The following PTGS2 variants were observed in gnomAD, a reference collection of about 807,000 sequenced individuals.
PTGS2 encodes prostaglandin-endoperoxide synthase 2.
In PTGS2, 14 loss-of-function variants were observed where a neutral mutation model predicts 63.8. The ratio of observed to expected loss-of-function variants is 0.22; its 90% CI spans 0.14 to 0.34. The LOEUF is 0.34. Ranked by LOEUF, PTGS2 falls within the 10% of genes least tolerant of loss-of-function variation. The pLI, the probability that PTGS2 is intolerant of heterozygous loss-of-function variation, is 1.00. For synonymous variants in PTGS2, 271 were observed against 259.5 expected (o/e 1.04, Z -0.43); for missense variants, 533 against 738.5 (o/e 0.72, Z 3.23).
Position 186,674,595 on chromosome 1 carries a change from T to A in PTGS2, c.1573A>T (p.Ile525Leu), listed in dbSNP as rs199820825. ...FSLKGLMGNV[I>L]CSPAYWKPST... ...GGCTTCCAGTAGGCAGGAGAACATATAACATTACCCATAAGTCCTTTCAAG... is the reference window on the plus strand; with the variant it reads ...GGCTTCCAGTAGGCAGGAGAACATAAAACATTACCCATAAGTCCTTTCAAG... The change falls in exon 10 of 10, where the codon ATA becomes TTA. Residue 525 changes from isoleucine to leucine, a missense_variant. Physicochemically the swap from Ile to Leu is conservative, Grantham distance 5. Transcript: ENST00000367468. The A allele has an allele frequency of 6.3e-5, 102 of 1,614,188 alleles. No homozygotes were observed. The highest frequency in any genetic ancestry group is 8.3e-5 in the Admixed American group (5 of 60,022).
chr1:186,678,559 T>A (rs1665822458), intron 3 of PTGS2, among the ~76,000 whole-genome samples, 155 bp from the exon 4 acceptor site: 1 of 152,222 alleles, frequency 6.6e-6, no homozygotes, highest in Non-Finnish European at 1.5e-5. Context: ...CTTTATAGTC[T>A]AATGGCCACT....
chr1:186,674,853 TTC>T, intron 9 of PTGS2, 91 bp from the exon 10 acceptor site: 1 of 1,401,800 alleles, frequency 7.1e-7, no homozygotes, highest in East Asian at 2.3e-5. Flanking sequence ...TGCTGCCAAC[TTC>T]TCTGTTTCCA....
chr1:186,678,530 C>A (rs1665821892), intron 3 of PTGS2, 126 bp from the exon 4 acceptor site: 1 of 900,850 alleles, frequency 1.1e-6, no homozygotes, highest in South Asian at 2.0e-5. Context: ...TAAAAAAAAT[C>A]TATTTTTAAA....
At position 186,676,187 on chromosome 1, in the gene PTGS2, A is replaced by T; in HGVS notation, c.971-3T>A. ...AATCACAATCTTAATAGTCTCTCCTATTTGCACAAAATAAATAATAAAAAC... is the reference window on the plus strand; with the variant it reads ...AATCACAATCTTAATAGTCTCTCCTTTTTGCACAAAATAAATAATAAAAAC... On this transcript the variant is annotated splice_region_variant and splice_polypyrimidine_tract_variant and intron_variant, in intron 7 of 9. Coordinates refer to ENST00000367468, the MANE Select transcript of PTGS2 (RefSeq NM_000963.4). The T allele has an allele frequency of 6.3e-7, 1 of 1,588,088 alleles. No individual in the cohort carries two copies. Among genetic ancestry groups the T allele is most frequent in the Non-Finnish European group, 8.6e-7 (1 of 1,165,282 alleles).
Position 186,672,821 on chromosome 1 carries a change from T to C in PTGS2, c.*1532A>G, listed in dbSNP as rs1203365875. ...TCTTTGCATCCATCTTGGTTACAGA[T>C]AGCTAAAATTAGCTATAAATAAAAT... On this transcript the variant is annotated 3_prime_UTR_variant, in exon 10 of 10. Coordinates refer to ENST00000367468, the MANE Select transcript of PTGS2 (RefSeq NM_000963.4). 1.3e-5 allele frequency: 2 copies of C among 152,508 alleles called. No individual in the cohort carries two copies. Among genetic ancestry groups the C allele is most frequent in the East Asian group, 3.8e-4 (2 of 5,200 alleles). The allele number at this position is 152,508 out of a possible 1,614,324, so 9.4% of individuals were successfully genotyped here. A position where few individuals can be genotyped will look rare whatever the true frequency, so the allele number is the denominator to read the frequency against.
At chr1:186,676,989 T>C in intron 5 of PTGS2, 73 bp from the exon 6 acceptor site, 1 of 1,055,156 alleles carries the variant, frequency 9.5e-7, no homozygotes, top group Non-Finnish European at 1.4e-6. Flanking sequence ...ATCATATAAT[T>C]CATCATTAAA....
Position 186,674,370 on chromosome 1 carries a change from G to A in PTGS2, c.1798C>T (p.Arg600Cys). The change falls in exon 10 of 10, where the codon CGT becomes TGT. Residue 600 changes from arginine to cysteine, a missense_variant. By Grantham distance (180) the Arg-to-Cys change is radical (BLOSUM62 -3). Around this residue, in one of 5 missense-constraint regions of PTGS2, gnomAD observed 219 missense variants for 267.4 expected, o/e 0.82. Transcript: ENST00000367468. ...TTAGACTTCTACAGTTCAGTCGAACGTTCTTTTAGTAGTACTGTGGGATTG... is the reference window on the plus strand; with the variant it reads ...TTAGACTTCTACAGTTCAGTCGAACATTCTTTTAGTAGTACTGTGGGATTG... ...DINPTVLLKE[R>C]STEL 6.2e-7 allele frequency: 1 copy of A among 1,609,910 alleles called. No homozygotes were observed. The highest frequency in any genetic ancestry group is 8.5e-7 in the Non-Finnish European group (1 of 1,177,130).
Position 186,673,563 on chromosome 1 carries a change from A to G in PTGS2, c.*790T>C, listed in dbSNP as rs1351197467. The G allele has an allele frequency of 6.6e-6, 1 of 152,178 alleles. No homozygotes were observed. Among genetic ancestry groups the G allele is most frequent in the Non-Finnish European group, 1.5e-5 (1 of 68,012 alleles). 9.4% of individuals were successfully genotyped at this position (152,178 alleles called of 1,614,324 possible). A position where few individuals can be genotyped will look rare whatever the true frequency, so the allele number is the denominator to read the frequency against. ...AAGATAACACTGCAGTGGCTCCACC[A>G]CCTTAATAAATTTGGCATTTTGATT... is the stretch of plus-strand genomic sequence containing the variant. On this transcript the variant is annotated 3_prime_UTR_variant, in exon 10 of 10. Transcript: ENST00000367468.
chr1:186,672,807 A>G lies in PTGS2; in HGVS notation c.*1546T>C, dbSNP rs1412627963. On this transcript the variant is annotated 3_prime_UTR_variant, in exon 10 of 10. Coordinates refer to ENST00000367468, the MANE Select transcript of PTGS2 (RefSeq NM_000963.4). ...CTGAGGCACTAGCCTCTTTGCATCC[A>G]TCTTGGTTACAGATAGCTAAAATTA... The G allele has an allele frequency of 6.6e-6, 1 of 152,656 alleles. No homozygotes were observed. The highest frequency in any genetic ancestry group is 6.5e-5 in the Admixed American group (1 of 15,292). 9.5% of individuals were successfully genotyped at this position (152,656 alleles called of 1,614,324 possible).
chr1:186,674,222 C>T lies in PTGS2; in HGVS notation c.*131G>A. On this transcript the variant is annotated 3_prime_UTR_variant, in exon 10 of 10. Coordinates refer to ENST00000367468, the MANE Select transcript of PTGS2 (RefSeq NM_000963.4). Reference sequence around the variant, plus strand: ...AAGTCTTCACAAGTATGACTCCTTTCTCCGCAACAGGAGTACTGACTTCTG... The same window carrying T: ...AAGTCTTCACAAGTATGACTCCTTTTTCCGCAACAGGAGTACTGACTTCTG... 1.9e-6 allele frequency: 1 copy of T among 531,492 alleles called. No homozygotes were observed. Among genetic ancestry groups the T allele is most frequent in the Non-Finnish European group, 2.8e-6 (1 of 358,462 alleles). 32.9% of individuals were successfully genotyped at this position (531,492 alleles called of 1,614,324 possible).
chr1:186,680,180 G>A, intron 1 of PTGS2, 59 bp downstream of exon 1: 1 of 1,549,612 alleles, frequency 6.5e-7, no homozygotes, highest in Non-Finnish European at 8.7e-7. Context: ...AGGTCAGAGC[G>A]GAAACTCTGC....
chr1:186,674,960 C>G (rs1003707668), intron 9 of PTGS2, among the ~76,000 whole-genome samples, 198 bp from the exon 10 acceptor site: 2 of 152,246 alleles, frequency 1.3e-5, no homozygotes, highest in African/African-American at 4.8e-5. Flanking sequence ...CGGCGGATCA[C>G]TAGGTCAGGA....
At chr1:186,678,037 G>C (rs1665811836) in intron 4 of PTGS2, among the ~76,000 whole-genome samples, 1 of 152,138 alleles carries the variant, frequency 6.6e-6, no homozygotes, top group Non-Finnish European at 1.5e-5. Flanking sequence ...CATTTCTAAA[G>C]AAATAATTTG....
At position 186,674,378 on chromosome 1, in the gene PTGS2, A is replaced by G; in HGVS notation, c.1790T>C (p.Leu597Pro). 4 of 1,613,014 alleles carry G rather than the reference A, an allele frequency of 2.5e-6. No individual in the cohort carries two copies. Among genetic ancestry groups the G allele is most frequent in the Non-Finnish European group, 3.4e-6 (4 of 1,179,074 alleles). ...CTACAGTTCAGTCGAACGTTCTTTTAGTAGTACTGTGGGATTGATATCATC... is the reference window on the plus strand; with the variant it reads ...CTACAGTTCAGTCGAACGTTCTTTTGGTAGTACTGTGGGATTGATATCATC... Reference protein sequence around the residue: ...GLDDINPTVLLKERSTEL With the variant: ...GLDDINPTVLPKERSTEL The change falls in exon 10 of 10, where the codon CTA becomes CCA. Residue 597 changes from leucine (L) to proline (P), a missense_variant. Leu to Pro is a moderately conservative substitution (Grantham distance 98). This residue lies in a region of PTGS2 where 219 missense variants were observed against 267.4 expected (regional missense o/e 0.82). Coordinates refer to ENST00000367468, the MANE Select transcript of PTGS2 (RefSeq NM_000963.4).
rs559271434 is a variant in PTGS2, at chr1:186,671,896, T to C, written c.*2457A>G. The C allele has an allele frequency of 6.6e-6, 1 of 152,246 alleles. No homozygotes were observed. Among genetic ancestry groups the C allele is most frequent in the East Asian group, 1.9e-4 (1 of 5,188 alleles). The allele number at this position is 152,246 out of a possible 1,614,324, so 9.4% of individuals were successfully genotyped here. Reference sequence around the variant, plus strand: ...AGACTTATCTTTTACATAAGTTAAATACACATTTGTCTGAGGCACTGAAAC... The same window carrying C: ...AGACTTATCTTTTACATAAGTTAAACACACATTTGTCTGAGGCACTGAAAC... On this transcript the variant is annotated 3_prime_UTR_variant, in exon 10 of 10. Coordinates refer to ENST00000367468, the MANE Select transcript of PTGS2 (RefSeq NM_000963.4).
rs756554922 is a variant in PTGS2 at position 186,678,273 on chromosome 1, A to G, written c.445T>C (p.Leu149=). ...TCTTCTTACTCACCTTTGACACCCA[A>G]GGGAGTCGGGCAATCATCAGGCACA... ...PPVPDDCPTP[L]GVKGKKQLPD... is the part of the protein sequence containing the mutation. Residue 149 remains leucine, a synonymous_variant, in exon 4 of 10, where the codon TTG becomes CTG. Coordinates refer to ENST00000367468, the MANE Select transcript of PTGS2 (RefSeq NM_000963.4). 1 of 1,609,730 alleles carries G rather than the reference A, an allele frequency of 6.2e-7. No individual in the cohort carries two copies. The highest frequency in any genetic ancestry group is 8.5e-7 in the Non-Finnish European group (1 of 1,177,988).
rs1447465691 is a variant in PTGS2 at position 186,673,358 on chromosome 1, C to A, written c.*995G>T. On this transcript the variant is annotated 3_prime_UTR_variant, in exon 10 of 10. Coordinates refer to ENST00000367468, the MANE Select transcript of PTGS2 (RefSeq NM_000963.4). ...TAGCAAAATCTGAGTACCAGGCCTG[C>A]AGTGCACAAGGATAAAAAAAAGTTT... 1 of 152,204 alleles carries A rather than the reference C, an allele frequency of 6.6e-6. No homozygotes were observed. The highest frequency in any genetic ancestry group is 1.9e-4 in the East Asian group (1 of 5,192). 9.4% of individuals were successfully genotyped at this position (152,204 alleles called of 1,614,324 possible).
At chr1:186,676,804 C>T (rs758753306) in intron 6 of PTGS2, 29 bp downstream of exon 6, 5 of 1,604,658 alleles carry the variant, frequency 3.1e-6, no homozygotes, top group African/African-American at 2.7e-5. Context: ...GCGGTAATAA[C>T]TAAGTCTTAA....
At chr1:186,680,112 C>A in intron 1 of PTGS2, 127 bp downstream of exon 1, 1 of 1,420,934 alleles carries the variant, frequency 7.0e-7, no homozygotes, top group East Asian at 2.5e-5. Context: ...CAAGCTCTTT[C>A]CCAAGTCACG....
Sources: allele counts gnomAD v4.1 joint callset (sites outside exome capture counted in the v4.1 genomes callset), GRCh38; gene constraint gnomAD v4.1.1; regional missense constraint gnomAD v4.1.1; transcripts MANE v1.5; gene names NCBI Gene and HGNC (gene_info 2026-07-23, HGNC 2026-07-21).